The following UBE2K variants were observed in gnomAD, a reference collection of about 807,000 sequenced individuals.
The protein encoded by UBE2K is ubiquitin-conjugating enzyme E2 K.
In UBE2K, 6 loss-of-function variants were observed where a neutral mutation model predicts 30.0. The observed-to-expected ratio is 0.20, with a 90% CI of 0.11 to 0.39. UBE2K has a LOEUF of 0.39. UBE2K is among the 10% of genes least tolerant of loss of function. The pLI, the probability that UBE2K is intolerant of heterozygous loss-of-function variation, is 1.00. For missense variants in UBE2K, 61 were observed against 241.6 expected, an observed-to-expected ratio of 0.25 and a Z score of 4.96; for synonymous variants, 86 against 83.7, an observed-to-expected ratio of 1.03 and a Z score of -0.15.
At position 39,702,646 on chromosome 4, in the gene UBE2K, C is replaced by T. The variant is rs149518102; in HGVS notation, c.63+4256C>T. Among the ~76,000 whole-genome samples the T allele has an allele frequency of 1.7e-4, 26 of 152,230 alleles. No homozygotes were observed. In the East Asian group the frequency reaches 4.8e-3, roughly 28 times the overall value. On this transcript the variant is annotated intron_variant, in intron 1 of 6. Transcript: ENST00000261427. Reference sequence around the variant, plus strand: ...CTATATAGTACATTAAGTTTTCCCTCATCATTTAAATAGATTTTTGTGTCT... The same window carrying T: ...CTATATAGTACATTAAGTTTTCCCTTATCATTTAAATAGATTTTTGTGTCT...
Position 39,747,364 on chromosome 4 carries a change from C to T in UBE2K, c.216+1554C>T, listed in dbSNP as rs938089170. 3.9e-5 allele frequency among the ~76,000 whole-genome samples: 6 copies of T among 152,268 alleles called. No individual in the cohort carries two copies. The East Asian group carries it at 7.7e-4, about 20-fold the overall frequency. ...TAAGCAATAACTCCCCATTATTCCC[C>T]GCTCCCAGCTTCTGGTAACCACTGT... On this transcript the variant is annotated intron_variant, in intron 3 of 6. Coordinates refer to ENST00000261427, the MANE Select transcript of UBE2K (RefSeq NM_005339.5).
intron 4 of UBE2K, among the ~76,000 whole-genome samples, chr4:39,764,484 G>A (rs528794505): frequency 6.9e-6 from 1 of 144,030 alleles, no homozygotes; most frequent in Admixed American, 7.3e-5. Flanking sequence ...TTTCTCTGTC[G>A]CCTAGGCTGG....
At chr4:39,711,222 G>C (rs184681014) in intron 1 of UBE2K, among the ~76,000 whole-genome samples, 1 of 148,268 alleles carries the variant, frequency 6.7e-6, no homozygotes, top group African/African-American at 2.5e-5. Flanking sequence ...GAGTGCAGTG[G>C]TGTGATCTCG....
chr4:39,738,155 A>G (rs890074752), intron 2 of UBE2K, among the ~76,000 whole-genome samples: 3 of 152,190 alleles, frequency 2.0e-5, no homozygotes, highest in Admixed American at 6.5e-5. Flanking sequence ...AATTAATATT[A>G]CTGTAAATTT....
At chr4:39,702,825 T>C (rs1718111612) in intron 1 of UBE2K, among the ~76,000 whole-genome samples, 2 of 152,096 alleles carry the variant, frequency 1.3e-5, no homozygotes, top group South Asian at 2.1e-4. Context: ...CAGATAGTTC[T>C]TTGTTGAGTG....
chr4:39,742,487 A>G (rs1720756920), intron 2 of UBE2K, among the ~76,000 whole-genome samples: 2 of 152,212 alleles, frequency 1.3e-5, no homozygotes, highest in Admixed American at 6.5e-5. Flanking sequence ...CTGTAATCCC[A>G]TTACTTTGGG....
At chr4:39,716,495 C>T (rs902598922) in intron 1 of UBE2K, among the ~76,000 whole-genome samples, 6 of 152,166 alleles carry the variant, frequency 3.9e-5, no homozygotes, top group East Asian at 1.9e-4. Context: ...GTGATCCATG[C>T]GCCTTAGCCG....
At chr4:39,771,066 G>C (rs1712783738) in intron 4 of UBE2K, 26 of 1,612,342 alleles carry the variant, frequency 1.6e-5, no homozygotes, top group Middle Eastern at 1.7e-4. Flanking sequence ...CAGTGAACTG[G>C]CTGAGGGCAT....
chr4:39,760,553 T>TGTA (rs1711857965), intron 4 of UBE2K, among the ~76,000 whole-genome samples: 1 of 152,140 alleles, frequency 6.6e-6, no homozygotes, highest in Non-Finnish European at 1.5e-5. Flanking sequence ...GAATACATAC[T>TGTA]GTATGGTTCA....
intron 2 of UBE2K, among the ~76,000 whole-genome samples, chr4:39,745,551 A>G (rs1720946205): frequency 6.6e-6 from 1 of 152,232 alleles, no homozygotes; most frequent in Non-Finnish European, 1.5e-5. Flanking sequence ...ATACAGTTGT[A>G]TGAAATGGAT....
At chr4:39,769,912 T>C (rs1249822116) in intron 4 of UBE2K, among the ~76,000 whole-genome samples, 1 of 151,944 alleles carries the variant, frequency 6.6e-6, no homozygotes, top group Non-Finnish European at 1.5e-5. Flanking sequence ...GCAACAACAG[T>C]CTTCTCTCCA....
intron 1 of UBE2K, among the ~76,000 whole-genome samples, chr4:39,730,497 G>A (rs148250128): frequency 3.9e-4 from 60 of 152,162 alleles, no homozygotes; most frequent in African/African-American, 1.4e-3. Flanking sequence ...GCAGCCTGGT[G>A]TGGTGGCTTA....
At chr4:39,748,676 G>A (rs1378734684) in intron 3 of UBE2K, among the ~76,000 whole-genome samples, 3 of 151,324 alleles carry the variant, frequency 2.0e-5, no homozygotes, top group Admixed American at 6.6e-5. Context: ...TAGCTGTTCC[G>A]TTTGGAGGTA....
chr4:39,755,592 T>G (rs1188725880), intron 3 of UBE2K, 65 bp from the exon 4 acceptor site: 3 of 1,184,992 alleles, frequency 2.5e-6, no homozygotes, highest in Non-Finnish European at 3.7e-6. Flanking sequence ...TTTCATTTTC[T>G]TGTAGTTCTA....
In UBE2K at chr4:39,782,733, AT is replaced by A. The variant is rs1280348112; in HGVS notation, c.*4304del. ...ATAAACACATTTTTAAAGATGTTGA[AT>A]TTTTCCCCCCTTATTGGGAATTCTT... is the stretch of plus-strand genomic sequence containing the variant. On this transcript the variant is annotated 3_prime_UTR_variant, in exon 7 of 7. Coordinates refer to ENST00000261427, the MANE Select transcript of UBE2K (RefSeq NM_005339.5). The A allele has an allele frequency of 6.6e-6, 1 of 152,192 alleles. No homozygotes were observed. Among genetic ancestry groups the A allele is most frequent in the Non-Finnish European group, 1.5e-5 (1 of 68,040 alleles). 9.4% of individuals were successfully genotyped at this position (152,192 alleles called of 1,614,324 possible). A position where few individuals can be genotyped will look rare whatever the true frequency, so the allele number is the denominator to read the frequency against.
rs1713421931 is a variant in UBE2K, at chr4:39,778,675, C to T, written c.*241C>T. The T allele has an allele frequency of 2.8e-6, 1 of 352,860 alleles. No individual in the cohort carries two copies. Among genetic ancestry groups the T allele is most frequent in the Non-Finnish European group, 5.2e-6 (1 of 193,598 alleles). 21.9% of individuals were successfully genotyped at this position (352,860 alleles called of 1,614,324 possible). On this transcript the variant is annotated 3_prime_UTR_variant, in exon 7 of 7. Transcript: ENST00000261427. ...TTTTTTTCTTAATAGTGTAAAAATTCCCTGAGCTAAGCTAAAACCATGGAA... is the reference window on the plus strand; with the variant it reads ...TTTTTTTCTTAATAGTGTAAAAATTTCCTGAGCTAAGCTAAAACCATGGAA...
Position 39,742,467 on chromosome 4 carries a change from C to T in UBE2K, c.158-3285C>T, listed in dbSNP as rs772456169. ...AAAAAGAACTAGCCACGAGGCATAA[C>T]GGCTCATGCCTGTAATCCCATTACT... On this transcript the variant is annotated intron_variant, in intron 2 of 6. Coordinates refer to ENST00000261427, the MANE Select transcript of UBE2K (RefSeq NM_005339.5). 1.2e-4 allele frequency among the ~76,000 whole-genome samples: 18 copies of T among 152,186 alleles called. No homozygotes were observed. In the South Asian group the frequency reaches 1.2e-3, roughly 11 times the overall value.
chr4:39,706,394 C>A (rs1373697972), intron 1 of UBE2K, among the ~76,000 whole-genome samples: 1 of 150,338 alleles, frequency 6.7e-6, no homozygotes, highest in East Asian at 2.0e-4. Flanking sequence ...AAACTCGCGG[C>A]CTCAGATGAT....
intron 4 of UBE2K, among the ~76,000 whole-genome samples, chr4:39,773,402 A>G (rs961654213): frequency 2.0e-5 from 3 of 151,904 alleles, no homozygotes; most frequent in Non-Finnish European, 2.9e-5. Context: ...AGGGAGGTGG[A>G]GGTTCCGGTG....
Sources: allele counts gnomAD v4.1 joint callset (sites outside exome capture counted in the v4.1 genomes callset), GRCh38; gene constraint gnomAD v4.1.1; transcripts MANE v1.5; gene names NCBI Gene and HGNC (gene_info 2026-07-23, HGNC 2026-07-21).